The following CDH20 variants were observed in gnomAD, a reference collection of about 807,000 sequenced individuals.
CDH20 encodes the protein cadherin 20.
A neutral mutation model predicts 74.2 loss-of-function variants in CDH20; 29 were observed. The observed-to-expected ratio is 0.39, with a 90% confidence interval of 0.29 to 0.53. The LOEUF (loss-of-function observed/expected upper bound fraction) is 0.53, where lower values mean the gene tolerates loss of function less well. CDH20 is among the 20% of genes least tolerant of loss of function. The pLI is 0.69. For synonymous variants in CDH20, 469 were observed against 405.4 expected (o/e 1.16, Z -1.88); for missense variants, 988 against 1,048.3 (o/e 0.94, Z 0.79).
At chr18:61,374,964 AG>A (rs1283901621) in intron 1 of CDH20, among the ~76,000 whole-genome samples, 1 of 152,202 alleles carries the variant, frequency 6.6e-6, no homozygotes, top group East Asian at 1.9e-4. Flanking sequence ...GACAGCAAAA[AG>A]ATTAGATTAG....
At chr18:61,347,319 T>TATATATATATATATAC (rs869054502) in intron 1 of CDH20, among the ~76,000 whole-genome samples, 1 of 77,396 alleles carries the variant, frequency 1.3e-5, no homozygotes. Flanking sequence ...TATATATATA[T>TATATATATATATATAC]ACACACACAC....
chr18:61,401,759 A>G lies in CDH20; in HGVS notation c.-153+67932A>G, dbSNP rs141521210. The stretch of plus-strand genomic sequence containing the variant: ...AATAAATTAAAACACAGCATACTTG[A>G]GCAATGTATTTTTGTTCCGTGCAAA... On this transcript the variant is annotated intron_variant, in intron 1 of 11. Transcript: ENST00000262717. 8.7e-4 allele frequency among the ~76,000 whole-genome samples: 132 copies of G among 152,316 alleles called. 1 individual carries two copies. In the East Asian group the frequency reaches 0.016, roughly 19 times the overall value.
intron 1 of CDH20, among the ~76,000 whole-genome samples, chr18:61,483,174 C>T (rs1910646972): frequency 6.6e-6 from 1 of 152,206 alleles, no homozygotes; most frequent in Non-Finnish European, 1.5e-5. Flanking sequence ...CTGTAACCCT[C>T]ATCACCAATA....
At chr18:61,380,747 T>C (rs1249253158) in intron 1 of CDH20, among the ~76,000 whole-genome samples, 2 of 152,146 alleles carry the variant, frequency 1.3e-5, no homozygotes, top group African/African-American at 4.8e-5. Flanking sequence ...AGGCAGAGAT[T>C]GCAGTGAGCC....
Position 61,363,985 on chromosome 18 carries a change from T to TCTGACTGCACTG in CDH20, c.-153+30158_-153+30159insCTGACTGCACTG, listed in dbSNP as rs1182252136. 6.8e-3 allele frequency among the ~76,000 whole-genome samples: 1,031 copies of TCTGACTGCACTG among 152,312 alleles called. 13 individuals are homozygous for TCTGACTGCACTG. Among genetic ancestry groups the TCTGACTGCACTG allele is most frequent in the African/African-American group, 0.023 (973 of 41,570 alleles). On this transcript the variant is annotated intron_variant, in intron 1 of 11. Coordinates refer to ENST00000262717, the MANE Select transcript of CDH20 (RefSeq NM_031891.4). Reference sequence around the variant, plus strand: ...AGTCAAGCTCATCTGACTGCACAGGTGCATCTGTGCTGCTGAGTGAGGTGG... The same window carrying TCTGACTGCACTG: ...AGTCAAGCTCATCTGACTGCACAGGTCTGACTGCACTGGCATCTGTGCTGCTGAGTGAGGTGG...
chr18:61,404,879 T>C, intron 1 of CDH20: 1 of 621,688 alleles, frequency 1.6e-6, no homozygotes, highest in Non-Finnish European at 3.0e-6. Flanking sequence ...CAGTCTGTTC[T>C]GGCATGCTTC....
At chr18:61,358,784 C>A (rs1910585788) in intron 1 of CDH20, among the ~76,000 whole-genome samples, 1 of 151,986 alleles carries the variant, frequency 6.6e-6, no homozygotes, top group African/African-American at 2.4e-5. Flanking sequence ...GCTTAGTTGG[C>A]TTATATAAGC....
intron 6 of CDH20, among the ~76,000 whole-genome samples, chr18:61,510,091 A>G (rs1911726118): frequency 6.6e-6 from 1 of 152,142 alleles, no homozygotes; most frequent in Non-Finnish European, 1.5e-5. Context: ...AAGAGCGAGG[A>G]GTTTGTAGAA....
At chr18:61,470,380 G>A (rs1381456782) in intron 1 of CDH20, among the ~76,000 whole-genome samples, 1 of 152,194 alleles carries the variant, frequency 6.6e-6, no homozygotes, top group Non-Finnish European at 1.5e-5. Context: ...AACGGAAAAA[G>A]GAAAGGAACC....
intron 4 of CDH20, among the ~76,000 whole-genome samples, chr18:61,501,200 C>A (rs564002730): frequency 1.3e-5 from 2 of 152,092 alleles, no homozygotes; most frequent in Non-Finnish European, 2.9e-5. Context: ...AGGAGCAATG[C>A]GGCAGAAAAG....
intron 4 of CDH20, among the ~76,000 whole-genome samples, chr18:61,501,189 G>A (rs17068409): frequency 0.2 from 30,660 of 152,128 alleles, 3,605 homozygotes; most frequent in South Asian, 0.44. Context: ...CTGAATGGGC[G>A]AGGAGCAATG....
rs139418851 is a variant in CDH20, at chr18:61,523,217, G to GAA, written c.1018-4740_1018-4739dup. Among the ~76,000 whole-genome samples the GAA allele has an allele frequency of 6.7e-4, 98 of 145,500 alleles. 1 individual carries two copies. The highest frequency in any genetic ancestry group is 1.7e-3 in the South Asian group (8 of 4,680). ...ACAAGGAACTTAAACAAATTTACAA[G>GAA]AAAAAAAAAAACAAACAACCACATC... On this transcript the variant is annotated intron_variant, in intron 6 of 11. Coordinates refer to ENST00000262717, the MANE Select transcript of CDH20 (RefSeq NM_031891.4).
At position 61,528,105 on chromosome 18, in the gene CDH20, C is replaced by T. The variant is rs777679557; in HGVS notation, c.1156C>T (p.Pro386Ser). 1.9e-6 allele frequency: 3 copies of T among 1,613,944 alleles called. No homozygotes were observed. The highest frequency in any genetic ancestry group is 2.2e-5 in the South Asian group (2 of 91,080). The change falls in exon 7 of 12, where the codon CCC (proline) becomes TCC (serine). Residue 386 changes from proline (P) to serine (S), a missense_variant. Coordinates refer to ENST00000262717, the MANE Select transcript of CDH20 (RefSeq NM_031891.4). ...VHISVEDVDE[P>S]PVFEPGFYFV... Reference sequence around the variant, plus strand: ...CATCAGTGTGGAAGACGTGGACGAGCCCCCTGTGTTTGAACCTGGCTTTTA... The same window carrying T: ...CATCAGTGTGGAAGACGTGGACGAGTCCCCTGTGTTTGAACCTGGCTTTTA...
intron 1 of CDH20, among the ~76,000 whole-genome samples, chr18:61,368,860 C>CAAA (rs1296541435): frequency 2.3e-5 from 2 of 87,902 alleles, no homozygotes; most frequent in African/African-American, 4.1e-5. Flanking sequence ...AGTTCTTTTT[C>CAAA]AAAAAAAAAA....
At chr18:61,411,316 C>G (rs1912493185) in intron 1 of CDH20, among the ~76,000 whole-genome samples, 1 of 151,968 alleles carries the variant, frequency 6.6e-6, no homozygotes, top group Non-Finnish European at 1.5e-5. Flanking sequence ...GGAATGTAAA[C>G]TAGTACAGCC....
At chr18:61,485,042 G>T (rs1175681565) in intron 1 of CDH20, among the ~76,000 whole-genome samples, 1 of 152,130 alleles carries the variant, frequency 6.6e-6, no homozygotes, top group African/African-American at 2.4e-5. Context: ...TTAGCCTCAG[G>T]AGTGCCACCA....
intron 1 of CDH20, among the ~76,000 whole-genome samples, chr18:61,487,464 G>A (rs1910807134): frequency 1.3e-5 from 2 of 152,200 alleles, no homozygotes; most frequent in African/African-American, 4.8e-5. Context: ...CCCTAAGGAA[G>A]TAGAAATAAA....
chr18:61,503,310 C>T (rs1911451189), intron 5 of CDH20, among the ~76,000 whole-genome samples, 190 bp downstream of exon 5: 1 of 152,206 alleles, frequency 6.6e-6, no homozygotes, highest in Non-Finnish European at 1.5e-5. Flanking sequence ...TAGTACTAAA[C>T]CAGGATTTCT....
chr18:61,484,736 TCCAC>T (rs1365231050), intron 1 of CDH20, among the ~76,000 whole-genome samples: 1 of 122,014 alleles, frequency 8.2e-6, no homozygotes, highest in African/African-American at 3.4e-5. Flanking sequence ...TTTGCTCTAC[TCCAC>T]ACACACACAC....
Sources: gnomAD v4.1 joint callset for allele counts (sites outside exome capture counted in the v4.1 genomes callset) on GRCh38, gnomAD v4.1.1 for gene constraint, MANE v1.5 for transcripts, NCBI Gene and HGNC (gene_info 2026-07-23, HGNC 2026-07-21) for gene names.